BABAM2: variants seen among roughly 807,000 people sequenced by gnomAD.
The protein encoded by BABAM2 is BRISC and BRCA1 A complex member 2, also known as BRISC and BRCA1-A complex member 2.
In BABAM2, 31 loss-of-function variants were observed where a neutral mutation model predicts 54.7. The ratio of observed to expected loss-of-function variants is 0.57; its 90% CI spans 0.43 to 0.77. The LOEUF (loss-of-function observed/expected upper bound fraction) is 0.77. BABAM2 is among the 30% of genes least tolerant of loss of function. The probability of loss-of-function intolerance (pLI) is 0.00; values close to 1 mark genes in which losing one functional copy is unlikely to be tolerated. For synonymous variants in BABAM2, 167 were observed against 162.9 expected (o/e 1.03, Z -0.19); for missense variants, 364 against 455.8 (o/e 0.80, Z 1.83).
chr2:28,040,813 A>G (rs1677041602), intron 5 of BABAM2, among the ~76,000 whole-genome samples: 1 of 152,216 alleles, frequency 6.6e-6, no homozygotes, highest in South Asian at 2.1e-4. Flanking sequence ...CCTGTTGCTG[A>G]TAAACAAAAA....
At chr2:28,202,721 C>T (rs1037683826) in intron 7 of BABAM2, among the ~76,000 whole-genome samples, 15 of 152,046 alleles carry the variant, frequency 9.9e-5, no homozygotes, top group Admixed American at 1.3e-4. Context: ...GAAATGGAAC[C>T]TATGAATACA....
At chr2:28,079,027 C>T (rs1000627573) in intron 6 of BABAM2, among the ~76,000 whole-genome samples, 4 of 152,136 alleles carry the variant, frequency 2.6e-5, no homozygotes, top group East Asian at 1.9e-4. Context: ...CAGCTGAACA[C>T]ACAAATTAAC....
chr2:28,088,374 T>C (rs1665863648), intron 6 of BABAM2, among the ~76,000 whole-genome samples: 1 of 152,220 alleles, frequency 6.6e-6, no homozygotes, highest in Non-Finnish European at 1.5e-5. Flanking sequence ...GTACATAAGG[T>C]GGTGACTGCC....
In BABAM2 at chr2:28,169,246, C is replaced by A. The variant is rs566315327; in HGVS notation, c.680+39866C>A. Among the ~76,000 whole-genome samples the A allele has an allele frequency of 7.9e-5, 12 of 152,242 alleles. No homozygotes were observed. The South Asian group carries it at 2.5e-3, about 32-fold the overall frequency. ...TGTCTTTGGTTAAGAGGAAAAAAAT[C>A]ACTTTTATTTTTAAAGATATTTTTA... is the stretch of plus-strand genomic sequence containing the variant. On this transcript the variant is annotated intron_variant, in intron 7 of 11. Coordinates refer to ENST00000379624, the MANE Select transcript of BABAM2 (RefSeq NM_199191.3).
intron 9 of BABAM2, among the ~76,000 whole-genome samples, chr2:28,241,602 C>G (rs1004196177): frequency 6.6e-6 from 1 of 151,986 alleles, no homozygotes; most frequent in Non-Finnish European, 1.5e-5. Context: ...TCAAGCGATT[C>G]TCCTGCCTCA....
chr2:28,280,831 A>G (rs1310485698), intron 10 of BABAM2, among the ~76,000 whole-genome samples: 6 of 152,158 alleles, frequency 3.9e-5, no homozygotes, highest in Admixed American at 3.3e-4. Flanking sequence ...CTCCAGAAAC[A>G]AAGAGATTTC....
chr2:28,084,672 A>T (rs1361778869), intron 6 of BABAM2, among the ~76,000 whole-genome samples: 1 of 152,054 alleles, frequency 6.6e-6, no homozygotes, highest in African/African-American at 2.4e-5. Flanking sequence ...TGGAAAGGGT[A>T]ATCCTGGAGC....
chr2:28,327,439 A>G, intron 11 of BABAM2: 3 of 1,589,908 alleles, frequency 1.9e-6, no homozygotes, highest in Non-Finnish European at 2.6e-6. Flanking sequence ...AGTAATTTTG[A>G]TCACTTTGGT....
At chr2:28,107,791 G>A (rs180941133) in intron 6 of BABAM2, among the ~76,000 whole-genome samples, 4 of 152,202 alleles carry the variant, frequency 2.6e-5, no homozygotes, top group African/African-American at 7.2e-5. Flanking sequence ...TTTTGAGGGC[G>A]TAGATCCTTA....
chr2:28,163,934 C>T (rs1298842208), intron 7 of BABAM2, among the ~76,000 whole-genome samples: 1 of 152,212 alleles, frequency 6.6e-6, no homozygotes, highest in Non-Finnish European at 1.5e-5. Flanking sequence ...AGGCCCACTG[C>T]TATGCACCTC....
chr2:28,010,998 A>G (rs1190707756), intron 4 of BABAM2, among the ~76,000 whole-genome samples: 1 of 152,210 alleles, frequency 6.6e-6, no homozygotes, highest in Non-Finnish European at 1.5e-5. Flanking sequence ...CAGTGGCTGA[A>G]TCAAACATTG....
rs1345058225 is a variant in BABAM2 at position 28,329,192 on chromosome 2, C to A, written c.1089-9258C>A. ...CATTACCCCTGATAACTTATGCTTC[C>A]TGAGCTAGAGGGCAGAGGGGTGGCC... On this transcript the variant is annotated intron_variant, in intron 11 of 11. Transcript: ENST00000379624. This position sits in a 1 kb window ranked among gnomAD's most constrained non-coding sequence, Gnocchi z 4.2. Among the ~76,000 whole-genome samples the A allele has an allele frequency of 6.6e-6, 1 of 152,236 alleles. No homozygotes were observed. The highest frequency in any genetic ancestry group is 2.4e-5 in the African/African-American group (1 of 41,454).
chr2:28,190,243 A>G (rs1482326011), intron 7 of BABAM2, among the ~76,000 whole-genome samples: 2 of 152,220 alleles, frequency 1.3e-5, no homozygotes, highest in Admixed American at 1.3e-4. Context: ...AGTAGCTTAT[A>G]AAAAACAGAA....
At chr2:28,184,293 TCCCTCTCTCC>T (rs1676031306) in intron 7 of BABAM2, among the ~76,000 whole-genome samples, 2 of 67,246 alleles carry the variant, frequency 3.0e-5, no homozygotes, top group African/African-American at 5.3e-5. Flanking sequence ...TCTCCCCCCC[TCCCTCTCTCC>T]CTCTCTCTCT....
chr2:27,996,393 G>C (rs1185403404), intron 4 of BABAM2: 2 of 154,838 alleles, frequency 1.3e-5, no homozygotes, highest in Non-Finnish European at 2.9e-5. Context: ...TTTTACTTGG[G>C]AGATTGGAGT....
At chr2:28,305,683 G>C (rs967865792) in intron 11 of BABAM2, among the ~76,000 whole-genome samples, 1 of 151,996 alleles carries the variant, frequency 6.6e-6, no homozygotes, top group Non-Finnish European at 1.5e-5. Flanking sequence ...GTAAATGTAG[G>C]GATATTCAGA....
intron 6 of BABAM2, among the ~76,000 whole-genome samples, chr2:28,076,018 C>T (rs1391399415): frequency 6.6e-6 from 1 of 152,056 alleles, no homozygotes; most frequent in East Asian, 1.9e-4. Flanking sequence ...AATCCCAACA[C>T]TTTGGAAGGC....
chr2:28,109,856 A>AT (rs1259314005), intron 6 of BABAM2, among the ~76,000 whole-genome samples: 16 of 151,722 alleles, frequency 1.1e-4, no homozygotes, highest in Admixed American at 2.6e-4. Context: ...TCTTTTCTTT[A>AT]TTTTTTTTAT....
chr2:28,305,041 TTA>T (rs1688407885), intron 11 of BABAM2, among the ~76,000 whole-genome samples: 1 of 152,220 alleles, frequency 6.6e-6, no homozygotes, highest in Admixed American at 6.5e-5. Context: ...CTTCCAATCT[TTA>T]TGTTTTTCTG....
Sources: allele counts gnomAD v4.1 joint callset (sites outside exome capture counted in the v4.1 genomes callset), GRCh38; gene constraint gnomAD v4.1.1; non-coding constraint Gnocchi (gnomAD v3.1); transcripts MANE v1.5; gene names NCBI Gene and HGNC (gene_info 2026-07-23, HGNC 2026-07-21).